CNOT6: variants seen among roughly 807,000 people sequenced by gnomAD.
The protein encoded by CNOT6 is CCR4-NOT transcription complex subunit 6, also known as carbon catabolite repression 4 protein.
In CNOT6, 12 loss-of-function variants were observed where a neutral mutation model predicts 61.2. The observed-to-expected ratio is 0.20, with a 90% CI of 0.13 to 0.32. The LOEUF is 0.32. Among genes scored for constraint, CNOT6 ranks in the 10% least tolerant of loss-of-function variants. The pLI, the probability that CNOT6 is intolerant of heterozygous loss-of-function variation, is 1.00. For synonymous variants in CNOT6, 225 were observed against 240.6 expected, an observed-to-expected ratio of 0.94 and a Z score of 0.60; for missense variants, 405 against 663.9, an observed-to-expected ratio of 0.61 and a Z score of 4.28.
At chr5:180,520,535 G>A (rs925032892) in intron 1 of CNOT6, among the ~76,000 whole-genome samples, 11 of 152,020 alleles carry the variant, frequency 7.2e-5, no homozygotes, top group Non-Finnish European at 1.3e-4. Context: ...CCAGCTACTC[G>A]GGAGGCTGAG....
chr5:180,546,322 GCTT>G (rs771921063), intron 2 of CNOT6, among the ~76,000 whole-genome samples: 4 of 151,862 alleles, frequency 2.6e-5, no homozygotes, highest in Non-Finnish European at 4.4e-5. Flanking sequence ...AAATAATAAA[GCTT>G]CTTCTATTTT....
At chr5:180,519,079 G>A (rs1757773104) in intron 1 of CNOT6, among the ~76,000 whole-genome samples, 1 of 152,190 alleles carries the variant, frequency 6.6e-6, no homozygotes, top group Admixed American at 6.5e-5. Flanking sequence ...GTTTATTCAG[G>A]AATAGCAGGG....
chr5:180,559,623 A>T (rs1348798119), intron 4 of CNOT6, among the ~76,000 whole-genome samples: 6 of 152,184 alleles, frequency 3.9e-5, no homozygotes, highest in African/African-American at 1.4e-4. Flanking sequence ...GTAAGTCGTA[A>T]GTCTGCCATT....
At chr5:180,531,978 G>T (rs1015383582) in intron 2 of CNOT6, among the ~76,000 whole-genome samples, 30 of 152,316 alleles carry the variant, frequency 2.0e-4, no homozygotes, top group Non-Finnish European at 3.7e-4. Context: ...GCATGAGAGG[G>T]AGACCGGGGA....
intron 2 of CNOT6, among the ~76,000 whole-genome samples, chr5:180,530,758 T>C (rs1274529824): frequency 1.3e-5 from 2 of 152,048 alleles, no homozygotes; most frequent in Non-Finnish European, 2.9e-5. Context: ...GATTAGGGAG[T>C]GGTGATGACT....
intron 4 of CNOT6, among the ~76,000 whole-genome samples, chr5:180,554,310 T>A (rs527918490): frequency 6.6e-6 from 1 of 152,158 alleles, no homozygotes; most frequent in Admixed American, 6.5e-5. Context: ...ACCACCTACT[T>A]GGGAGGCTGA....
rs926758883 is a variant in CNOT6, at chr5:180,556,861, T to C, written c.385+3390T>C. Among the ~76,000 whole-genome samples the C allele has an allele frequency of 1.0e-4, 15 of 150,394 alleles. No individual in the cohort carries two copies. The Admixed American group carries it at 1.0e-3, about 10-fold the overall frequency. On this transcript the variant is annotated intron_variant, in intron 4 of 11. Coordinates refer to ENST00000261951, the MANE Select transcript of CNOT6 (RefSeq NM_001370472.1). ...GTCCCAGCTACTCGGGAGACTGAGG[T>C]GGGAGAATAGCGTGAACCTGGGAGG...
chr5:180,533,616 T>C (rs552651090), intron 2 of CNOT6, among the ~76,000 whole-genome samples: 84 of 152,192 alleles, frequency 5.5e-4, no homozygotes, highest in African/African-American at 1.9e-3. Context: ...GGTCTCCCTT[T>C]GTTGCCCAGG....
chr5:180,573,934 A>G (rs1326399617), intron 11 of CNOT6, 54 bp from the exon 12 acceptor site: 19 of 1,211,972 alleles, frequency 1.6e-5, no homozygotes, highest in Non-Finnish European at 2.3e-5. Context: ...GAAAGCACTG[A>G]GGATTTTAGT....
chr5:180,494,872 G>T (rs1211897932), intron 1 of CNOT6, 109 bp downstream of exon 1: 1 of 152,060 alleles, frequency 6.6e-6, no homozygotes, highest in African/African-American at 2.4e-5. Context: ...TCGTTTCGTG[G>T]GCGGCGGTCC....
chr5:180,569,098 T>C lies in CNOT6; in HGVS notation c.1028-12T>C. On this transcript the variant is annotated splice_polypyrimidine_tract_variant and intron_variant, in intron 9 of 11. Transcript: ENST00000261951. ...TTTGTCTCTTTCTTTGTTTCGTTTT[T>C]ATCTAATGTAGCCGGAAAGCCACAT... is the stretch of plus-strand genomic sequence containing the variant. The C allele has an allele frequency of 6.2e-7, 1 of 1,602,032 alleles. No homozygotes were observed. Among genetic ancestry groups the C allele is most frequent in the South Asian group, 1.1e-5 (1 of 90,318 alleles).
intron 2 of CNOT6, among the ~76,000 whole-genome samples, chr5:180,549,049 T>C (rs1759456958): frequency 6.7e-6 from 1 of 150,078 alleles, no homozygotes; most frequent in African/African-American, 2.5e-5. Flanking sequence ...AAGGTCTGAC[T>C]TACTATCTGA....
intron 4 of CNOT6, among the ~76,000 whole-genome samples, chr5:180,559,746 T>C (rs915907248): frequency 6.6e-6 from 1 of 152,178 alleles, no homozygotes; most frequent in Non-Finnish European, 1.5e-5. Context: ...TGTAGTGGTT[T>C]GAGTGTGTCT....
chr5:180,550,913 T>G (rs1461202639), intron 3 of CNOT6, among the ~76,000 whole-genome samples: 1 of 152,136 alleles, frequency 6.6e-6, no homozygotes, highest in African/African-American at 2.4e-5. Flanking sequence ...CATGTGTAAG[T>G]TCAGGTTGGA....
At chr5:180,552,703 T>C (rs996824748) in intron 3 of CNOT6, among the ~76,000 whole-genome samples, 1 of 152,026 alleles carries the variant, frequency 6.6e-6, no homozygotes, top group African/African-American at 2.4e-5. Context: ...ACTGTGTCCG[T>C]ATTGGGTCTC....
intron 2 of CNOT6, among the ~76,000 whole-genome samples, chr5:180,532,400 C>T (rs982531250): frequency 1.3e-5 from 2 of 152,154 alleles, no homozygotes; most frequent in African/African-American, 2.4e-5. Context: ...CTCCTCCTTC[C>T]ACCACATGCT....
intron 11 of CNOT6, 74 bp downstream of exon 11, chr5:180,571,506 T>C: frequency 9.5e-7 from 1 of 1,055,870 alleles, no homozygotes. Flanking sequence ...ATTATGTCTT[T>C]AAAACTGTGG....
In CNOT6 at chr5:180,571,220, T is replaced by C; in HGVS notation, c.1259-10T>C. Reference sequence around the variant, plus strand: ...ATATTTGACAATAAAAAAATTTGTCTTCATTGTAGGTGTTGTAGAATATTT... The same window carrying C: ...ATATTTGACAATAAAAAAATTTGTCCTCATTGTAGGTGTTGTAGAATATTT... On this transcript the variant is annotated splice_polypyrimidine_tract_variant and intron_variant, in intron 10 of 11. Coordinates refer to ENST00000261951, the MANE Select transcript of CNOT6 (RefSeq NM_001370472.1). 6.3e-7 allele frequency: 1 copy of C among 1,598,466 alleles called. No homozygotes were observed. The highest frequency in any genetic ancestry group is 1.1e-5 in the South Asian group (1 of 88,966).
intron 2 of CNOT6, among the ~76,000 whole-genome samples, chr5:180,530,935 A>G (rs1758331386): frequency 6.6e-6 from 1 of 152,258 alleles, no homozygotes; most frequent in Admixed American, 6.5e-5. Flanking sequence ...TTCTTAGTAC[A>G]GAACAAAATG....
Sources: allele counts gnomAD v4.1 joint callset (sites outside exome capture counted in the v4.1 genomes callset), GRCh38; gene constraint gnomAD v4.1.1; transcripts MANE v1.5; gene names NCBI Gene and HGNC (gene_info 2026-07-23, HGNC 2026-07-21).